NPAS3: variants seen among roughly 807,000 people sequenced by gnomAD.
The protein encoded by NPAS3 is neuronal PAS domain-containing protein 3.
NPAS3 carries 14 observed loss-of-function variants against 73.1 expected under a neutral mutation model. The observed-to-expected ratio is 0.19, with a 90% CI of 0.13 to 0.30. The LOEUF (loss-of-function observed/expected upper bound fraction) is 0.30. Among genes scored for constraint, NPAS3 ranks in the 10% least tolerant of loss-of-function variants. The pLI is 1.00. For missense variants in NPAS3, 1,096 were observed against 1,250.0 expected (o/e 0.88, Z 1.86); for synonymous variants, 620 against 541.5 (o/e 1.14, Z -2.01).
intron 5 of NPAS3, among the ~76,000 whole-genome samples, chr14:33,622,880 G>A (rs544063350): frequency 1.1e-4 from 16 of 152,066 alleles, no homozygotes; most frequent in African/African-American, 2.9e-4. Context: ...CTACTTGCCC[G>A]GCACCCAATA....
chr14:33,426,589 A>C (rs1337303350), intron 4 of NPAS3, among the ~76,000 whole-genome samples: 17 of 151,958 alleles, frequency 1.1e-4, no homozygotes, highest in Admixed American at 1.1e-3. Context: ...ATCATGAGCG[A>C]GGATACTTAG....
At chr14:33,260,632 C>CTA (rs1383651953) in intron 3 of NPAS3, among the ~76,000 whole-genome samples, 2 of 152,104 alleles carry the variant, frequency 1.3e-5, no homozygotes, top group Non-Finnish European at 2.9e-5. Flanking sequence ...GTATTTTTAT[C>CTA]TACACTATAT....
At chr14:33,489,307 C>CA (rs1281469263) in intron 4 of NPAS3, among the ~76,000 whole-genome samples, 1 of 152,140 alleles carries the variant, frequency 6.6e-6, no homozygotes, top group Non-Finnish European at 1.5e-5. Context: ...CACACTAGCA[C>CA]ATGGTAAACA....
chr14:33,672,919 A>T (rs2059652762), intron 5 of NPAS3, among the ~76,000 whole-genome samples: 2 of 152,268 alleles, frequency 1.3e-5, no homozygotes, highest in South Asian at 4.1e-4. Flanking sequence ...AAATGAAATG[A>T]AGTCAAAGCA....
At chr14:33,037,852 AT>A (rs1300547035) in intron 1 of NPAS3, among the ~76,000 whole-genome samples, 1 of 152,186 alleles carries the variant, frequency 6.6e-6, no homozygotes, top group Non-Finnish European at 1.5e-5. Context: ...ACTCTATTAA[AT>A]TGATGTTCTT....
At chr14:32,991,364 G>A (rs1275571018) in intron 1 of NPAS3, among the ~76,000 whole-genome samples, 1 of 152,028 alleles carries the variant, frequency 6.6e-6, no homozygotes. Flanking sequence ...ATTCTCAAGG[G>A]ATACCTGGCC....
rs1269810209 is a variant in NPAS3 at position 33,157,321 on chromosome 14, C to CA, written c.141-57860dup. Among the ~76,000 whole-genome samples the CA allele has an allele frequency of 2.0e-5, 3 of 152,318 alleles. No individual in the cohort carries two copies. The East Asian group carries it at 5.8e-4, about 29-fold the overall frequency. On this transcript the variant is annotated intron_variant, in intron 2 of 11. Coordinates refer to ENST00000356141, the Ensembl canonical transcript of NPAS3. The stretch of plus-strand genomic sequence containing the variant: ...TCTTCTTTATCAGAGAACCTAACAT[C>CA]AGATTTTAATCATATCTTGTACCCA...
chr14:33,690,057 T>C (rs1162683190), intron 6 of NPAS3, among the ~76,000 whole-genome samples: 3 of 152,204 alleles, frequency 2.0e-5, no homozygotes, highest in African/African-American at 7.2e-5. Flanking sequence ...TGGGCCACTG[T>C]GATATGACCA....
intron 8 of NPAS3, among the ~76,000 whole-genome samples, chr14:33,776,299 C>T (rs966487636): frequency 5.9e-5 from 9 of 152,052 alleles, no homozygotes; most frequent in Admixed American, 5.2e-4. Context: ...ACATCAGCTC[C>T]CTTGATTTAG....
At chr14:33,681,983 G>A (rs976866289) in intron 6 of NPAS3, among the ~76,000 whole-genome samples, 66 of 152,202 alleles carry the variant, frequency 4.3e-4, no homozygotes, top group African/African-American at 1.4e-3. Context: ...AATGGAATTT[G>A]TTTGGACAAT....
chr14:33,059,931 C>A (rs1008664868), intron 2 of NPAS3, among the ~76,000 whole-genome samples: 3 of 151,854 alleles, frequency 2.0e-5, no homozygotes, highest in Non-Finnish European at 4.4e-5. Context: ...CAGGTGCATG[C>A]CCCCATGTCT....
At chr14:32,939,558 T>C (rs941526) in intron 1 of NPAS3, among the ~76,000 whole-genome samples, 192 bp downstream of exon 1, 122,767 of 143,312 alleles carry the variant, frequency 0.86, 53,218 homozygotes, top group Middle Eastern at 0.95. Context: ...CGAGAGGCTC[T>C]GGCGGCGGCC....
chr14:32,973,780 GC>G (rs1256705084), intron 1 of NPAS3, among the ~76,000 whole-genome samples: 1 of 151,934 alleles, frequency 6.6e-6, no homozygotes, highest in Non-Finnish European at 1.5e-5. Flanking sequence ...CAAGTGATCT[GC>G]CTGCCACGGC....
intron 4 of NPAS3, among the ~76,000 whole-genome samples, chr14:33,409,457 T>G (rs940775003): frequency 6.6e-6 from 1 of 152,214 alleles, no homozygotes; most frequent in Non-Finnish European, 1.5e-5. Flanking sequence ...CTTAGAATTT[T>G]AATTGTCATT....
chr14:33,520,994 T>C (rs2053530452), intron 4 of NPAS3, among the ~76,000 whole-genome samples: 1 of 152,190 alleles, frequency 6.6e-6, no homozygotes, highest in African/African-American at 2.4e-5. Flanking sequence ...GAGGTCATTG[T>C]TGTATCTGAT....
intron 3 of NPAS3, among the ~76,000 whole-genome samples, chr14:33,265,591 A>C (rs1206078966): frequency 6.6e-6 from 1 of 152,140 alleles, no homozygotes; most frequent in Non-Finnish European, 1.5e-5. Context: ...GTGTTCACTT[A>C]CTGAATTCTC....
chr14:33,272,978 C>G (rs1008819686), intron 3 of NPAS3, among the ~76,000 whole-genome samples: 3 of 152,172 alleles, frequency 2.0e-5, no homozygotes, highest in Non-Finnish European at 4.4e-5. Flanking sequence ...CAATTTACTT[C>G]CCACTTTCTC....
At chr14:33,027,001 G>A (rs2039827998) in intron 1 of NPAS3, among the ~76,000 whole-genome samples, 1 of 152,258 alleles carries the variant, frequency 6.6e-6, no homozygotes, top group South Asian at 2.1e-4. Flanking sequence ...CTCAGGGAAA[G>A]GGGTGGTGTT....
intron 3 of NPAS3, among the ~76,000 whole-genome samples, chr14:33,364,950 A>T (rs1189240693): frequency 6.7e-6 from 1 of 149,154 alleles, no homozygotes; most frequent in African/African-American, 2.5e-5. Context: ...CTCATAATCC[A>T]GTTCTTTGTA....
Sources: gnomAD v4.1 joint callset for allele counts (sites outside exome capture counted in the v4.1 genomes callset) on GRCh38, gnomAD v4.1.1 for gene constraint, MANE v1.5 for transcripts, NCBI Gene and HGNC (gene_info 2026-07-23, HGNC 2026-07-21) for gene names.